AEN: variants seen among roughly 807,000 people sequenced by gnomAD.
AEN encodes the protein apoptosis-enhancing nuclease.
A neutral mutation model predicts 17.7 loss-of-function variants in AEN; 21 were observed. The observed-to-expected ratio is 1.19, with a 90% confidence interval of 0.84 to 1.71. The LOEUF is 1.71. Among genes scored for constraint, AEN ranks in the 40% most tolerant of loss-of-function variants. AEN has a pLI of 0.00. For missense variants in AEN, 462 were observed against 435.9 expected (o/e 1.06, Z -0.53); for synonymous variants, 190 against 173.0 (o/e 1.10, Z -0.77).
chr15:88,606,853 T>C, the AEN span, among the ~76,000 whole-genome samples: 2 of 152,150 alleles, frequency 1.3e-5, no homozygotes, highest in Non-Finnish European at 2.9e-5. Context: ...CTCCACCCCA[T>C]GGCTTCATTT....
At chr15:88,608,617 T>C in the AEN span, among the ~76,000 whole-genome samples, 1 of 152,240 alleles carries the variant, frequency 6.6e-6, no homozygotes, top group Non-Finnish European at 1.5e-5. Context: ...ATATCTCAGC[T>C]TGTGGATTCA....
At chr15:88,608,671 G>C in the AEN span, among the ~76,000 whole-genome samples, 1 of 152,216 alleles carries the variant, frequency 6.6e-6, no homozygotes, top group African/African-American at 2.4e-5. Flanking sequence ...TTGGTGTTTG[G>C]TGTCCTCTTC....
rs2057925207 is a variant in AEN, at chr15:88,631,286, C to G, written c.*992C>G. The G allele has an allele frequency of 2.5e-6, 1 of 394,250 alleles. No individual in the cohort carries two copies. Among genetic ancestry groups the G allele is most frequent in the South Asian group, 1.7e-5 (1 of 57,558 alleles). The allele number at this position is 394,250 out of a possible 1,614,324, so 24.4% of individuals were successfully genotyped here. A position where few individuals can be genotyped will look rare whatever the true frequency, so the allele number is the denominator to read the frequency against. ...CAGGGCATTGGCAGTTACGCAGTGG[C>G]CCTGAACCTGGTCTGGTGCCCCCGA... On this transcript the variant is annotated 3_prime_UTR_variant, in exon 4 of 4. Transcript: ENST00000332810.
At chr15:88,607,497 A>C in the AEN span, among the ~76,000 whole-genome samples, 5 of 152,256 alleles carry the variant, frequency 3.3e-5, no homozygotes, top group African/African-American at 1.2e-4. Context: ...TGCTCTGTGC[A>C]CTGTTTCATC....
rs532278737 is a variant in AEN at position 88,626,683 on chromosome 15, C to G, written c.474C>G (p.Thr158=). The G allele has an allele frequency of 5.6e-6, 9 of 1,613,788 alleles. No individual in the cohort carries two copies. The African/African-American group carries it at 8.0e-5, about 14-fold the overall frequency. ...RPEMPIADYR[T]RWSGITRQHM... ...AGATGCCCATCGCTGACTACCGTAC[C>G]CGCTGGAGTGGCATCACTCGGCAGC... The change falls in exon 2 of 4, where the codon ACC becomes ACG. Residue 158 remains threonine, a synonymous_variant. Coordinates refer to ENST00000332810, the MANE Select transcript of AEN (RefSeq NM_022767.4).
intron 3 of AEN, among the ~76,000 whole-genome samples, 178 bp from the exon 4 acceptor site, chr15:88,629,880 A>G (rs1016810608): frequency 3.9e-5 from 6 of 152,218 alleles, no homozygotes; most frequent in African/African-American, 1.4e-4. Flanking sequence ...ACAGGCTTGG[A>G]GAAGCTGCAT....
At position 88,630,335 on chromosome 15, in the gene AEN, G is replaced by T. The variant is rs370022294; in HGVS notation, c.*41G>T. ...CCCTGGCTGGGCTTCCGGTGTGGCC[G>T]GTAGGAAGTGGGGGCCAGGAGAGCA... On this transcript the variant is annotated 3_prime_UTR_variant, in exon 4 of 4. Transcript: ENST00000332810. This position sits in a 1 kb window ranked among gnomAD's most constrained non-coding sequence, Gnocchi z 5.1. 2 of 1,531,602 alleles carry T rather than the reference G, an allele frequency of 1.3e-6. No individual in the cohort carries two copies. The highest frequency in any genetic ancestry group is 2.4e-5 in the East Asian group (1 of 40,950). 94.9% of individuals were successfully genotyped at this position (1,531,602 alleles called of 1,614,324 possible).
chr15:88,616,740 C>T (rs1192306871), upstream of AEN, among the ~76,000 whole-genome samples: 2 of 152,222 alleles, frequency 1.3e-5, no homozygotes, highest in African/African-American at 4.8e-5. Context: ...AGAAACCTTA[C>T]TTCAAGTGTC....
the AEN span, among the ~76,000 whole-genome samples, chr15:88,612,420 T>C: frequency 6.6e-6 from 1 of 152,046 alleles, no homozygotes; most frequent in Non-Finnish European, 1.5e-5. Context: ...AGTGGACTTG[T>C]GTGTATGGAA....
At chr15:88,612,971 T>C in the AEN span, among the ~76,000 whole-genome samples, 1 of 152,018 alleles carries the variant, frequency 6.6e-6, no homozygotes, top group Non-Finnish European at 1.5e-5. Context: ...CAAGTTACAG[T>C]GATGACACTT....
At chr15:88,625,920 C>T (rs1247624934) in intron 1 of AEN, among the ~76,000 whole-genome samples, 1 of 152,214 alleles carries the variant, frequency 6.6e-6, no homozygotes, top group Non-Finnish European at 1.5e-5. Flanking sequence ...GGTCATTGAG[C>T]AGACTGAGTG....
chr15:88,623,882 C>T (rs528552531), intron 1 of AEN, among the ~76,000 whole-genome samples: 5 of 152,162 alleles, frequency 3.3e-5, no homozygotes, highest in Non-Finnish European at 4.4e-5. Flanking sequence ...CAGCATGACC[C>T]GCCTTATGCT....
upstream of AEN, among the ~76,000 whole-genome samples, chr15:88,619,677 G>C (rs941117626): frequency 6.6e-6 from 1 of 152,044 alleles, no homozygotes; most frequent in Non-Finnish European, 1.5e-5. Flanking sequence ...GACAGAGTGA[G>C]ACTCCATCTC....
At chr15:88,626,771 TGTTTGGGAGGTGTG>T in intron 2 of AEN, 22 bp downstream of exon 2, 1 of 1,591,792 alleles carries the variant, frequency 6.3e-7, no homozygotes, top group South Asian at 1.1e-5. Context: ...GATGGGGACT[TGTTTGGGAGGTGTG>T]GTGGGCTGGA....
At chr15:88,622,230 A>AC (rs887305322) in intron 1 of AEN, among the ~76,000 whole-genome samples, 5 of 152,116 alleles carry the variant, frequency 3.3e-5, no homozygotes, top group African/African-American at 9.6e-5. Flanking sequence ...CGGGTGTCTG[A>AC]CCCCCAGAGC....
At chr15:88,629,120 C>T (rs2057891667) in intron 2 of AEN, 106 bp from the exon 3 acceptor site, 1 of 1,142,632 alleles carries the variant, frequency 8.8e-7, no homozygotes, top group African/African-American at 1.5e-5. Context: ...TGCTGCCTCC[C>T]CCCACAGGGA....
At chr15:88,611,766 G>C in the AEN span, 18 of 401,692 alleles carry the variant, frequency 4.5e-5, no homozygotes, top group African/African-American at 3.0e-4. Context: ...GGAGCATCCA[G>C]ACCGCTGACC....
At chr15:88,625,554 A>G (rs2141370925) in intron 1 of AEN, among the ~76,000 whole-genome samples, 1 of 152,364 alleles carries the variant, frequency 6.6e-6, no homozygotes, top group South Asian at 2.1e-4. Flanking sequence ...TTATCATATT[A>G]CAAAAAAATA....
In AEN at chr15:88,626,222, G is replaced by A; in HGVS notation, c.13G>A (p.Glu5Lys). Residue 5 changes from glutamate (E) to lysine (K), a missense_variant, in exon 2 of 4, where the codon GAG (glutamate) becomes AAG (lysine). Transcript: ENST00000332810. MVPR[E>K]APESAQCLCP... is the part of the protein sequence containing the mutation. ...TGAGCTGACTGGAATGGTACCCCGG[G>A]AGGCCCCTGAGTCTGCTCAGTGCCT... The A allele has an allele frequency of 6.3e-7, 1 of 1,588,022 alleles. No individual in the cohort carries two copies. Among genetic ancestry groups the A allele is most frequent in the Admixed American group, 1.7e-5 (1 of 57,248 alleles).
Sources: gnomAD v4.1 joint callset for allele counts (sites outside exome capture counted in the v4.1 genomes callset) on GRCh38, gnomAD v4.1.1 for gene constraint, Gnocchi (gnomAD v3.1) non-coding constraint, MANE v1.5 for transcripts, NCBI Gene and HGNC (gene_info 2026-07-23, HGNC 2026-07-21) for gene names.